Variants in TYR observed in about 807,000 individuals in gnomAD.
The protein encoded by TYR is tyrosinase, also known as LB24-AB.
Under a neutral mutation model 51.5 loss-of-function variants are expected in TYR, and 58 were observed. The observed-to-expected ratio is 1.13, with a 90% confidence interval of 0.91 to 1.40. TYR has a LOEUF of 1.40. Ranked by LOEUF, TYR falls within the 40% of genes most tolerant of loss-of-function variation. TYR has a pLI of 0.00. For missense variants in TYR, 732 were observed against 647.4 expected (o/e 1.13, Z -1.42); for synonymous variants, 263 against 235.2 (o/e 1.12, Z -1.08).
intron 3 of TYR, among the ~76,000 whole-genome samples, chr11:89,266,152 T>C (rs1944524047): frequency 6.6e-6 from 1 of 152,026 alleles, no homozygotes; most frequent in South Asian, 2.1e-4. Flanking sequence ...TTACATTATC[T>C]TCTTTGTTCA....
chr11:89,181,078 A>C (rs973137024), intron 1 of TYR, among the ~76,000 whole-genome samples: 1 of 152,060 alleles, frequency 6.6e-6, no homozygotes, highest in Non-Finnish European at 1.5e-5. Flanking sequence ...GCAGTGGTGC[A>C]ATCTCCATAC....
intron 3 of TYR, among the ~76,000 whole-genome samples, chr11:89,266,811 CAGATTATCATGTAGGTAATTACATGA>C (rs1944531027): frequency 6.6e-6 from 1 of 151,894 alleles, no homozygotes; most frequent in Admixed American, 6.6e-5. Context: ...TGTTCATATG[CAGATTATCATGTAGGTAATTACATGA>C]AGATTATCAT....
At chr11:89,216,602 G>A (rs1357835921) in intron 2 of TYR, among the ~76,000 whole-genome samples, 3 of 133,540 alleles carry the variant, frequency 2.2e-5, no homozygotes, top group African/African-American at 3.0e-5. Flanking sequence ...GCAGTGAGCC[G>A]AGATCGCACC....
rs181068676 is a variant in TYR at position 89,243,841 on chromosome 11, T to C, written c.1184+15871T>C. Among the ~76,000 whole-genome samples, 7 of 152,260 alleles carry C rather than the reference T, an allele frequency of 4.6e-5. No homozygotes were observed. The South Asian group carries it at 8.3e-4, about 18-fold the overall frequency. ...CATTAAAATTATGTGTATTTATAAT[T>C]GTTGGGTTTTAAAATATTTATTATT... On this transcript the variant is annotated intron_variant, in intron 3 of 4. Coordinates refer to ENST00000263321, the MANE Select transcript of TYR (RefSeq NM_000372.5).
chr11:89,227,896 G>A lies in TYR; in HGVS notation c.1110G>A (p.Met370Ile), dbSNP rs1207709557. 3 of 1,613,402 alleles carry A rather than the reference G, an allele frequency of 1.9e-6. No homozygotes were observed. The highest frequency in any genetic ancestry group is 4.5e-5 in the East Asian group (2 of 44,830). Residue 370 changes from methionine to isoleucine, a missense_variant, in exon 3 of 5, where the codon ATG becomes ATA. Transcript: ENST00000263321. ...SSMHNALHIY[M>I]NGTMSQVQGS... ...TGCACAATGCCTTGCACATCTATAT[G>A]AATGGAACAATGTCCCAGGTACAGG...
At position 89,178,325 on chromosome 11, in the gene TYR, C is replaced by T. The variant is rs935942144; in HGVS notation, c.372C>T (p.Phe124=). The change falls in exon 1 of 5, where the codon TTC becomes TTT. Residue 124 remains phenylalanine, a synonymous_variant. Transcript: ENST00000263321. ...GACTCTTGGTGAGAAGAAACATCTT[C>T]GATTTGAGTGCCCCAGAGAAGGACA... ...ERRLLVRRNI[F]DLSAPEKDKF... is the part of the protein sequence containing the mutation. The T allele has an allele frequency of 1.2e-5, 20 of 1,614,046 alleles. No individual in the cohort carries two copies. Among genetic ancestry groups the T allele is most frequent in the South Asian group, 7.7e-5 (7 of 91,080 alleles).
chr11:89,217,038 T>C (rs1196742447), intron 2 of TYR, among the ~76,000 whole-genome samples: 1 of 152,192 alleles, frequency 6.6e-6, no homozygotes, highest in East Asian at 1.9e-4. Context: ...TAGTAGTCTC[T>C]GTCACAATCT....
Position 89,178,624 on chromosome 11 carries a change from A to C in TYR, c.671A>C (p.Lys224Thr). Residue 224 changes from lysine to threonine, a missense_variant, in exon 1 of 5, where the codon AAG becomes ACG. Lys to Thr is a moderately conservative substitution (Grantham distance 78, BLOSUM62 -1). Transcript: ENST00000263321. ...FLLRWEQEIQ[K>T]LTGDENFTIP... ...TTGCGGTGGGAACAAGAAATCCAGA[A>C]GCTGACAGGAGATGAAAACTTCACT... is the stretch of plus-strand genomic sequence containing the variant. 1 of 1,612,420 alleles carries C rather than the reference A, an allele frequency of 6.2e-7. No homozygotes were observed. The highest frequency in any genetic ancestry group is 1.7e-4 in the Middle Eastern group (1 of 6,052).
chr11:89,280,337 T>C (rs955443065), intron 3 of TYR, among the ~76,000 whole-genome samples: 3 of 151,606 alleles, frequency 2.0e-5, no homozygotes, highest in Non-Finnish European at 4.4e-5. Flanking sequence ...TTCTTAATTA[T>C]TTTTTATTCT....
At chr11:89,240,537 C>T (rs1354227544) in intron 3 of TYR, among the ~76,000 whole-genome samples, 1 of 151,956 alleles carries the variant, frequency 6.6e-6, no homozygotes, top group Non-Finnish European at 1.5e-5. Flanking sequence ...TGGTTATTAT[C>T]TTTTAATGTT....
intron 4 of TYR, among the ~76,000 whole-genome samples, chr11:89,287,334 T>A (rs1944800979): frequency 6.6e-6 from 1 of 151,932 alleles, no homozygotes; most frequent in Non-Finnish European, 1.5e-5. Flanking sequence ...CTCTGGTCAC[T>A]TTTGGATATA....
At position 89,177,902 on chromosome 11, in the gene TYR, C is replaced by G; in HGVS notation, c.-52C>G. On this transcript the variant is annotated 5_prime_UTR_variant, in exon 1 of 5. It adds an upstream start codon to the 5' untranslated region. Transcript: ENST00000263321. ...TGTAGTAGTAGCTGGAAAGAGAAAT[C>G]TGTGACTCCAATTAGCCAGTTCCTG... 3 of 1,577,922 alleles carry G rather than the reference C, an allele frequency of 1.9e-6. No individual in the cohort carries two copies. The highest frequency in any genetic ancestry group is 2.6e-6 in the Non-Finnish European group (3 of 1,149,846).
chr11:89,229,670 C>G (rs1458636293), intron 3 of TYR, among the ~76,000 whole-genome samples: 1 of 151,932 alleles, frequency 6.6e-6, no homozygotes, highest in East Asian at 1.9e-4. Context: ...CACTGGAAAA[C>G]TGTTAAAACT....
At chr11:89,211,118 A>C (rs1943748757) in intron 2 of TYR, among the ~76,000 whole-genome samples, 1 of 152,186 alleles carries the variant, frequency 6.6e-6, no homozygotes, top group Non-Finnish European at 1.5e-5. Flanking sequence ...AACAATATTA[A>C]CCTTAAATGT....
intron 3 of TYR, among the ~76,000 whole-genome samples, chr11:89,244,386 T>C (rs529662794): frequency 6.6e-6 from 1 of 152,168 alleles, no homozygotes; most frequent in South Asian, 2.1e-4. Flanking sequence ...GCTTCTGAAA[T>C]GCCCTCTCAG....
At chr11:89,237,587 A>G (rs1022791075) in intron 3 of TYR, among the ~76,000 whole-genome samples, 12 of 152,132 alleles carry the variant, frequency 7.9e-5, no homozygotes, top group Admixed American at 7.9e-4. Flanking sequence ...TGTGATAATT[A>G]CTACAGCTTT....
At chr11:89,215,825 C>T (rs2135272821) in intron 2 of TYR, among the ~76,000 whole-genome samples, 1 of 152,160 alleles carries the variant, frequency 6.6e-6, no homozygotes, top group South Asian at 2.1e-4. Context: ...ACGCAAGACC[C>T]TCCATAAGTC....
intron 2 of TYR, among the ~76,000 whole-genome samples, chr11:89,207,464 G>A (rs1012149973): frequency 6.6e-6 from 1 of 152,114 alleles, no homozygotes; most frequent in Non-Finnish European, 1.5e-5. Context: ...AAAGGAAATT[G>A]AATTGGTAAT....
At chr11:89,253,773 A>T (rs1236540223) in intron 3 of TYR, among the ~76,000 whole-genome samples, 1 of 151,806 alleles carries the variant, frequency 6.6e-6, no homozygotes, top group Admixed American at 6.6e-5. Context: ...ATCAGCAAAC[A>T]GCAACAGTTT....
Sources: allele counts gnomAD v4.1 joint callset (sites outside exome capture counted in the v4.1 genomes callset), GRCh38; gene constraint gnomAD v4.1.1; transcripts MANE v1.5; gene names NCBI Gene and HGNC (gene_info 2026-07-23, HGNC 2026-07-21).